SDHB: variants seen among roughly 807,000 people sequenced by gnomAD.
SDHB encodes succinate dehydrogenase [ubiquinone] iron-sulfur subunit, mitochondrial.
Under a neutral mutation model 39.7 loss-of-function variants are expected in SDHB, and 21 were observed. That is an observed-to-expected ratio of 0.53 (90% CI 0.37 to 0.76). The LOEUF (loss-of-function observed/expected upper bound fraction) is 0.76, where lower values mean the gene tolerates loss of function less well. SDHB is among the 30% of genes least tolerant of loss of function. The pLI, the probability that SDHB is intolerant of heterozygous loss-of-function variation, is 0.00. For missense variants in SDHB, 343 were observed against 350.9 expected (o/e 0.98, Z 0.18); for synonymous variants, 118 against 117.0 (o/e 1.01, Z -0.06).
intron 2 of SDHB, among the ~76,000 whole-genome samples, chr1:17,044,504 T>C (rs974461073): frequency 6.6e-6 from 1 of 152,154 alleles, no homozygotes; most frequent in African/African-American, 2.4e-5. Flanking sequence ...TCTGTATTTT[T>C]AGTAGAGAGG....
intron 3 of SDHB, chr1:17,032,658 T>C (rs2078029810): frequency 3.2e-6 from 1 of 310,246 alleles, no homozygotes; most frequent in Non-Finnish European, 6.3e-6. Flanking sequence ...GGACATGTCA[T>C]GCTGGGAGCT....
chr1:17,047,733 G>A (rs1281927910), intron 1 of SDHB, among the ~76,000 whole-genome samples: 2 of 151,574 alleles, frequency 1.3e-5, no homozygotes, highest in Non-Finnish European at 2.9e-5. Context: ...ATTGTGCAGT[G>A]GCATGATCAC....
rs1275426951 is a variant in SDHB, at chr1:17,018,889, A to T, written c.835T>A (p.Ser279Thr). 2 of 1,609,734 alleles carry T rather than the reference A, an allele frequency of 1.2e-6. No individual in the cohort carries two copies. The highest frequency in any genetic ancestry group is 1.7e-6 in the Non-Finnish European group (2 of 1,176,248). ...GTTTAGCATGGAAACAGTTAAACTG[A>T]AGCTTTCTTCTCCTTATAGGTTGCC... ...MMATYKEKKA[S>T]V The change falls in exon 8 of 8, where the codon TCA (serine) becomes ACA (threonine). Residue 279 changes from serine to threonine, a missense_variant. Ser to Thr is a moderately conservative substitution (Grantham distance 58). Transcript: ENST00000375499.
At chr1:17,039,258 GC>G (rs1249444426) in intron 2 of SDHB, among the ~76,000 whole-genome samples, 1 of 151,208 alleles carries the variant, frequency 6.6e-6, no homozygotes, top group African/African-American at 2.4e-5. Flanking sequence ...TTATATATTG[GC>G]TTTTTAGCTA....
intron 2 of SDHB, among the ~76,000 whole-genome samples, chr1:17,039,761 T>A (rs767373935): frequency 1.3e-5 from 2 of 152,256 alleles, no homozygotes; most frequent in Non-Finnish European, 2.9e-5. Flanking sequence ...TTACCTGCTG[T>A]TCCCAGCCCC....
intron 3 of SDHB, among the ~76,000 whole-genome samples, chr1:17,031,595 C>G (rs892359902): frequency 1.3e-5 from 2 of 152,160 alleles, no homozygotes; most frequent in African/African-American, 4.8e-5. Flanking sequence ...GCCGAACTAT[C>G]ATAATATCCA....
chr1:17,027,765 T>C lies in SDHB; in HGVS notation c.524A>G (p.Glu175Gly), dbSNP rs746643960. The stretch of plus-strand genomic sequence containing the variant: ...ACTAATGACCAGTTTCTCACGCTCT[T>C]CTATGGACTGCAGATACTGCTGCTT... ...EGKQQYLQSI[E>G]EREKLDGLYE... Residue 175 changes from glutamate (E) to glycine (G), a missense_variant, in exon 5 of 8, where the codon GAA (glutamate) becomes GGA (glycine). Physicochemically the swap from Glu to Gly is moderately conservative, Grantham distance 98. Coordinates refer to ENST00000375499, the MANE Select transcript of SDHB (RefSeq NM_003000.3). 6.3e-7 allele frequency: 1 copy of C among 1,597,338 alleles called. No homozygotes were observed. The highest frequency in any genetic ancestry group is 1.1e-5 in the South Asian group (1 of 90,718).
intron 1 of SDHB, chr1:17,045,245 G>A: frequency 3.3e-6 from 1 of 299,756 alleles, no homozygotes; most frequent in Non-Finnish European, 6.5e-6. Flanking sequence ...AGACTTCAAT[G>A]AGTGAAGAGT....
At chr1:17,019,685 G>C (rs1205583098) in intron 7 of SDHB, among the ~76,000 whole-genome samples, 2 of 152,216 alleles carry the variant, frequency 1.3e-5, no homozygotes, top group East Asian at 1.9e-4. Context: ...AAAAAGTGTT[G>C]TGGAAAGAAA....
chr1:17,036,918 A>C (rs1219748760), intron 2 of SDHB, among the ~76,000 whole-genome samples: 1 of 151,860 alleles, frequency 6.6e-6, no homozygotes, highest in Non-Finnish European at 1.5e-5. Context: ...CCTCACAAAG[A>C]AAGTGCTAGT....
intron 2 of SDHB, among the ~76,000 whole-genome samples, chr1:17,036,799 T>TGAATATATAA (rs1570953421): frequency 6.8e-6 from 1 of 147,638 alleles, no homozygotes; most frequent in African/African-American, 2.5e-5. Context: ...TATATAAATA[T>TGAATATATAA]ATATGTATAC....
At chr1:17,046,784 C>A (rs1346539534) in intron 1 of SDHB, among the ~76,000 whole-genome samples, 1 of 152,134 alleles carries the variant, frequency 6.6e-6, no homozygotes. Flanking sequence ...ATGGTGCAAT[C>A]TTGGCTCACC....
chr1:17,031,373 A>G (rs2078022076), intron 3 of SDHB, among the ~76,000 whole-genome samples: 1 of 152,194 alleles, frequency 6.6e-6, no homozygotes, highest in African/African-American at 2.4e-5. Flanking sequence ...AAAAAATAAG[A>G]AAAACAAGAT....
At chr1:17,046,869 T>C (rs1224988232) in intron 1 of SDHB, among the ~76,000 whole-genome samples, 7 of 151,982 alleles carry the variant, frequency 4.6e-5, no homozygotes, top group African/African-American at 1.7e-4. Flanking sequence ...AGGCATGTGC[T>C]ACCAGGCCCG....
intron 2 of SDHB, among the ~76,000 whole-genome samples, chr1:17,036,396 G>A (rs1191445985): frequency 1.3e-5 from 2 of 151,870 alleles, no homozygotes; most frequent in Non-Finnish European, 2.9e-5. Flanking sequence ...CTGCAGGTTT[G>A]ACCTCCCAGG....
intron 2 of SDHB, among the ~76,000 whole-genome samples, chr1:17,041,474 A>C (rs1375028570): frequency 6.6e-6 from 1 of 152,164 alleles, no homozygotes; most frequent in East Asian, 1.9e-4. Context: ...GATCAAGACC[A>C]GCCTGGCCAA....
intron 1 of SDHB, among the ~76,000 whole-genome samples, chr1:17,047,220 G>T (rs1364643098): frequency 6.6e-6 from 1 of 151,880 alleles, no homozygotes. Flanking sequence ...GCCCGGTGTG[G>T]TGGCACATGT....
intron 2 of SDHB, among the ~76,000 whole-genome samples, chr1:17,039,291 A>G (rs1337017649): frequency 6.6e-6 from 1 of 151,844 alleles, no homozygotes. Context: ...ATTTAAAAAA[A>G]TAATTACTCT....
intron 2 of SDHB, among the ~76,000 whole-genome samples, chr1:17,040,797 A>G (rs543197371): frequency 1.9e-4 from 29 of 151,892 alleles, no homozygotes; most frequent in Middle Eastern, 3.4e-3. Flanking sequence ...AGATCACAGG[A>G]GCGCTTTCCC....
Sources: allele counts gnomAD v4.1 joint callset (sites outside exome capture counted in the v4.1 genomes callset), GRCh38; gene constraint gnomAD v4.1.1; transcripts MANE v1.5; gene names NCBI Gene and HGNC (gene_info 2026-07-23, HGNC 2026-07-21).